The following PLA2G5 variants were observed in gnomAD, a reference collection of about 807,000 sequenced individuals.
PLA2G5 encodes Ca2+-dependent phospholipase A2.
A neutral mutation model predicts 15.9 loss-of-function variants in PLA2G5; 12 were observed. The ratio of observed to expected loss-of-function variants is 0.76; its 90% CI spans 0.48 to 1.23. PLA2G5 has a LOEUF of 1.23. Among genes scored for constraint, PLA2G5 ranks in the 50% most tolerant of loss-of-function variants. The pLI is 0.00. For missense variants in PLA2G5, 169 were observed against 177.1 expected (o/e 0.95, Z 0.26); for synonymous variants, 71 against 71.4 (o/e 0.99, Z 0.03).
At chr1:20,070,097 A>AC, upstream of PLA2G5, 1 of 595,414 alleles carries the variant, frequency 1.7e-6, no homozygotes, top group Non-Finnish European at 2.1e-6. Context: ...ACTCAAATCC[A>AC]CCCGCATTGG....
chr1:20,059,421 TA>T (rs553777828), intron 1 of PLA2G5, among the ~76,000 whole-genome samples: 50 of 142,488 alleles, frequency 3.5e-4, no homozygotes, highest in Non-Finnish European at 2.6e-4. Context: ...AGGTCCTGTC[TA>T]AAAAAAAAAA....
chr1:20,067,933 A>G (rs1481991495), upstream of PLA2G5, among the ~76,000 whole-genome samples: 1 of 152,142 alleles, frequency 6.6e-6, no homozygotes, highest in Non-Finnish European at 1.5e-5. Flanking sequence ...AGCCTCGCCA[A>G]CATGGTGGAA....
chr1:20,072,959 T>C (rs2015462481), intron 1 of PLA2G5, among the ~76,000 whole-genome samples: 1 of 152,218 alleles, frequency 6.6e-6, no homozygotes, highest in Admixed American at 6.5e-5. Context: ...TAACGGGACC[T>C]CTGCCCACAA....
chr1:20,086,197 G>A lies in PLA2G5; in HGVS notation c.155G>A (p.Gly52Asp). The A allele has an allele frequency of 6.2e-7, 1 of 1,614,164 alleles. No individual in the cohort carries two copies. The change falls in exon 3 of 5, where the codon GGC becomes GAC. Residue 52 changes from glycine (G) to aspartate (D), a missense_variant. Physicochemically the swap from Gly to Asp is moderately conservative, Grantham distance 94. Transcript: ENST00000375108. Reference protein sequence around the residue: ...GFYGCYCGWGGRGTPKDGTDW... With the variant: ...GFYGCYCGWGDRGTPKDGTDW... ...TACGGCTGTTACTGCGGCTGGGGCG[G>A]CCGAGGAACCCCCAAGGATGGCACC...
upstream of PLA2G5, chr1:20,065,883 C>T (rs1034336453): frequency 6.6e-6 from 1 of 152,232 alleles, no homozygotes; most frequent in African/African-American, 2.4e-5. Flanking sequence ...TGGCATGTAC[C>T]TGTAGTCCCA....
intron 3 of PLA2G5, among the ~76,000 whole-genome samples, chr1:20,087,894 T>C (rs1304192951): frequency 6.6e-6 from 1 of 152,084 alleles, no homozygotes; most frequent in Non-Finnish European, 1.5e-5. Flanking sequence ...CCTGGAACAA[T>C]TTAGCAACAA....
intron 1 of PLA2G5, among the ~76,000 whole-genome samples, chr1:20,034,344 G>A (rs1382515836): frequency 2.6e-5 from 4 of 152,144 alleles, no homozygotes; most frequent in Non-Finnish European, 5.9e-5. Context: ...AAGACTTTGG[G>A]AAGCCAGATC....
At chr1:20,080,443 G>C (rs186413694) in intron 1 of PLA2G5, among the ~76,000 whole-genome samples, 1 of 152,108 alleles carries the variant, frequency 6.6e-6, no homozygotes, top group Non-Finnish European at 1.5e-5. Context: ...TTAGCCAGGC[G>C]TAGTGGCATG....
intron 1 of PLA2G5, among the ~76,000 whole-genome samples, chr1:20,072,896 T>A (rs1003475146): frequency 6.6e-6 from 1 of 152,208 alleles, no homozygotes; most frequent in African/African-American, 2.4e-5. Context: ...GGTTAGAAAC[T>A]TTTCGGTGCT....
At chr1:20,082,327 C>A (rs1390702863) in intron 1 of PLA2G5, among the ~76,000 whole-genome samples, 1 of 151,800 alleles carries the variant, frequency 6.6e-6, no homozygotes, top group Non-Finnish European at 1.5e-5. Context: ...GACCTGCCAG[C>A]ACTTGGGAGG....
upstream of PLA2G5, chr1:20,068,946 C>T (rs1342516596): frequency 2.3e-6 from 3 of 1,288,784 alleles, no homozygotes; most frequent in Admixed American, 6.9e-5. Flanking sequence ...CAGGAAGGAC[C>T]CGGATGGAAG....
At chr1:20,064,021 C>T (rs1262365787) in intron 2 of PLA2G5, among the ~76,000 whole-genome samples, 5 of 152,200 alleles carry the variant, frequency 3.3e-5, no homozygotes, top group Non-Finnish European at 7.3e-5. Flanking sequence ...TTGACTTATG[C>T]AAATACCAAC....
At chr1:20,037,834 T>A (rs1361861161) in intron 1 of PLA2G5, among the ~76,000 whole-genome samples, 1 of 151,988 alleles carries the variant, frequency 6.6e-6, no homozygotes, top group East Asian at 1.9e-4. Flanking sequence ...TTTTTTGTCT[T>A]TGGCTACCAG....
intron 1 of PLA2G5, among the ~76,000 whole-genome samples, chr1:20,035,560 T>A (rs957714600): frequency 7.2e-5 from 11 of 152,212 alleles, no homozygotes; most frequent in African/African-American, 2.2e-4. Context: ...TTGGTGTCCA[T>A]CTTCATGGAA....
chr1:20,054,876 T>C (rs1421944621), intron 1 of PLA2G5: 2 of 152,212 alleles, frequency 1.3e-5, no homozygotes, highest in East Asian at 1.9e-4. Context: ...TGATACCAAA[T>C]TCCCCTACAG....
intron 1 of PLA2G5, among the ~76,000 whole-genome samples, chr1:20,077,359 A>G (rs950653216): frequency 1.3e-5 from 2 of 152,164 alleles, no homozygotes. Context: ...TCTATCTATC[A>G]TCTGTCTATC....
intron 1 of PLA2G5, among the ~76,000 whole-genome samples, chr1:20,079,822 T>TAACC (rs1557750634): frequency 2.0e-5 from 3 of 152,180 alleles, no homozygotes. Flanking sequence ...TGCATCTCTC[T>TAACC]AACCGCAAGC....
rs186233057 is a variant in PLA2G5 at position 20,074,190 on chromosome 1, G to A, written c.-11+3725G>A. Among the ~76,000 whole-genome samples the A allele has an allele frequency of 2.6e-5, 4 of 152,310 alleles. No homozygotes were observed. The East Asian group carries it at 5.8e-4, about 22-fold the overall frequency. ...AAATGCAAAAGCTGTTGTTGGAAAA[G>A]CTCAGAGAGTTCAAGAATAAGTCAA... On this transcript the variant is annotated intron_variant, in intron 1 of 4. Transcript: ENST00000375108.
intron 3 of PLA2G5, 58 bp downstream of exon 3, chr1:20,086,285 A>T (rs896364473): frequency 8.5e-6 from 13 of 1,533,652 alleles, no homozygotes; most frequent in South Asian, 2.3e-5. Flanking sequence ...ATGTTTTCTT[A>T]TTCAATTCCA....
Sources: gnomAD v4.1 joint callset for allele counts (sites outside exome capture counted in the v4.1 genomes callset) on GRCh38, gnomAD v4.1.1 for gene constraint, MANE v1.5 for transcripts, NCBI Gene and HGNC (gene_info 2026-07-23, HGNC 2026-07-21) for gene names.